COLEC12: variants seen among roughly 807,000 people sequenced by gnomAD.
The protein encoded by COLEC12 is collectin subfamily member 12.
In COLEC12, 33 loss-of-function variants were observed where a neutral mutation model predicts 71.1. That is an observed-to-expected ratio of 0.46 (90% CI 0.35 to 0.62). COLEC12 has a LOEUF of 0.62. Ranked by LOEUF, COLEC12 falls within the 20% of genes least tolerant of loss-of-function variation. COLEC12 has a pLI of 0.00. For synonymous variants in COLEC12, 350 were observed against 353.0 expected (o/e 0.99, Z 0.10); for missense variants, 765 against 916.1 (o/e 0.84, Z 2.13).
At position 354,465 on chromosome 18, in the gene COLEC12, C is replaced by G. The variant is rs532597823; in HGVS notation, c.181+2935G>C. The stretch of plus-strand genomic sequence containing the variant: ...CTCTGATAAATAAAAGTTTTTACTC[C>G]TTTCCTTTCGATTTCTCCTTCAGAG... On this transcript the variant is annotated intron_variant, in intron 3 of 9. Transcript: ENST00000400256. 3.9e-5 allele frequency among the ~76,000 whole-genome samples: 6 copies of G among 152,336 alleles called. No homozygotes were observed. The South Asian group carries it at 1.2e-3, about 32-fold the overall frequency.
At chr18:497,124 C>G (rs533708534) in intron 1 of COLEC12, among the ~76,000 whole-genome samples, 1 of 152,104 alleles carries the variant, frequency 6.6e-6, no homozygotes, top group Non-Finnish European at 1.5e-5. Context: ...TATTTTGGTA[C>G]TTGTGACTCC....
chr18:449,589 C>T (rs1408324878), intron 2 of COLEC12, among the ~76,000 whole-genome samples: 13 of 152,248 alleles, frequency 8.5e-5, no homozygotes, highest in African/African-American at 3.1e-4. Context: ...CACGGAGGTA[C>T]GCCCTCAGTA....
intron 2 of COLEC12, among the ~76,000 whole-genome samples, chr18:442,051 AC>A (rs1013138928): frequency 9.1e-5 from 13 of 142,590 alleles, no homozygotes; most frequent in East Asian, 4.0e-4. Context: ...ACACACACAC[AC>A]AGCTTCTGAT....
chr18:335,351 G>A, intron 5 of COLEC12, 121 bp from the exon 6 acceptor site: 1 of 1,051,968 alleles, frequency 9.5e-7, no homozygotes, highest in Non-Finnish European at 1.3e-6. Context: ...ATATACAGCA[G>A]GGAAAGACCA....
intron 2 of COLEC12, among the ~76,000 whole-genome samples, chr18:406,471 T>G (rs1476515916): frequency 3.2e-5 from 4 of 124,156 alleles, no homozygotes; most frequent in Admixed American, 1.0e-4. Flanking sequence ...ATTGCGCCAC[T>G]GCAGTCCGCA....
At chr18:325,120 G>C (rs1252390264) in intron 8 of COLEC12, among the ~76,000 whole-genome samples, 1 of 152,202 alleles carries the variant, frequency 6.6e-6, no homozygotes, top group Non-Finnish European at 1.5e-5. Flanking sequence ...TTGAGCCTCG[G>C]AGGTTGAGGC....
Position 319,339 on chromosome 18 carries a change from A to ATATAT in COLEC12, c.*705_*706insATATA, listed in dbSNP as rs57135576. 2.5e-3 allele frequency: 101 copies of ATATAT among 40,390 alleles called. 1 individual carries two copies. The highest frequency in any genetic ancestry group is 0.016 in the East Asian group (32 of 1,960). 2.5% of individuals were successfully genotyped at this position (40,390 alleles called of 1,614,324 possible). A position where few individuals can be genotyped will look rare whatever the true frequency, so the allele number is the denominator to read the frequency against. ...GAAACATTAAAAAAAAAAAAAAAAA[A>ATATAT]AAATATATATATATATATATATATA... On this transcript the variant is annotated 3_prime_UTR_variant, in exon 10 of 10. Transcript: ENST00000400256.
At chr18:367,355 C>T (rs979567783) in intron 2 of COLEC12, among the ~76,000 whole-genome samples, 5 of 152,028 alleles carry the variant, frequency 3.3e-5, no homozygotes, top group Non-Finnish European at 7.4e-5. Context: ...CCTCACATAC[C>T]GATTTGATTT....
chr18:424,261 C>G (rs964814610), intron 2 of COLEC12: 1 of 152,238 alleles, frequency 6.6e-6, no homozygotes, highest in Non-Finnish European at 1.5e-5. Flanking sequence ...GAATGAAGAT[C>G]GTAGTGGGAC....
At chr18:463,791 C>T (rs1456006846) in intron 2 of COLEC12, among the ~76,000 whole-genome samples, 1 of 152,178 alleles carries the variant, frequency 6.6e-6, no homozygotes, top group Non-Finnish European at 1.5e-5. Context: ...TTCCCCTAGC[C>T]CCCAATTTCC....
chr18:334,933 C>T lies in COLEC12; in HGVS notation c.1625G>A (p.Gly542Asp). 3 of 1,566,192 alleles carry T rather than the reference C, an allele frequency of 1.9e-6. No individual in the cohort carries two copies. The highest frequency in any genetic ancestry group is 2.6e-6 in the Non-Finnish European group (3 of 1,164,124). The change falls in exon 6 of 10, where the codon GGC becomes GAC. Residue 542 changes from glycine (G) to aspartate (D), a missense_variant. Transcript: ENST00000400256. The part of the protein sequence containing the change: ...PGKEGLPGPQ[G>D]PPGFQGLQGT... Reference sequence around the variant, plus strand: ...CTGAAGTCCCTGGAAGCCAGGAGGGCCCTGAGGGCCGGGGAGTCCCTCTTT... The same window carrying T: ...CTGAAGTCCCTGGAAGCCAGGAGGGTCCTGAGGGCCGGGGAGTCCCTCTTT...
At chr18:473,990 T>C (rs1917255111) in intron 2 of COLEC12, among the ~76,000 whole-genome samples, 1 of 152,188 alleles carries the variant, frequency 6.6e-6, no homozygotes, top group Non-Finnish European at 1.5e-5. Context: ...ATACTTTAAA[T>C]GGTGGAAAAT....
intron 2 of COLEC12, among the ~76,000 whole-genome samples, chr18:467,458 T>A (rs902998712): frequency 6.6e-6 from 1 of 152,232 alleles, no homozygotes; most frequent in Non-Finnish European, 1.5e-5. Flanking sequence ...GCTAAAGTGA[T>A]TTTCCTCTGT....
chr18:463,670 C>T (rs141101208), intron 2 of COLEC12, among the ~76,000 whole-genome samples: 2 of 152,100 alleles, frequency 1.3e-5, no homozygotes, highest in South Asian at 4.2e-4. Context: ...AGCGACATCT[C>T]GGAGTCACAG....
At chr18:450,314 A>G (rs946560661) in intron 2 of COLEC12, among the ~76,000 whole-genome samples, 16 of 151,984 alleles carry the variant, frequency 1.1e-4, no homozygotes, top group Non-Finnish European at 5.9e-5. Context: ...CCCAATGTTG[A>G]GGGGGGGCCT....
At chr18:483,045 C>T (rs1917453568) in intron 1 of COLEC12, among the ~76,000 whole-genome samples, 1 of 152,178 alleles carries the variant, frequency 6.6e-6, no homozygotes, top group African/African-American at 2.4e-5. Flanking sequence ...AAGATGTATG[C>T]TATCTATAAA....
At chr18:373,817 T>G (rs1915054843) in intron 2 of COLEC12, among the ~76,000 whole-genome samples, 1 of 152,236 alleles carries the variant, frequency 6.6e-6, no homozygotes, top group Middle Eastern at 3.4e-3. Context: ...ACACCCTGTG[T>G]CCAGTACCGA....
chr18:462,334 A>T (rs1916999275), intron 2 of COLEC12, among the ~76,000 whole-genome samples: 1 of 152,194 alleles, frequency 6.6e-6, no homozygotes, highest in African/African-American at 2.4e-5. Flanking sequence ...ATGTCACGGA[A>T]TATTATTCCG....
At chr18:423,103 T>C (rs1916129894) in intron 2 of COLEC12, among the ~76,000 whole-genome samples, 1 of 91,080 alleles carries the variant, frequency 1.1e-5, no homozygotes, top group East Asian at 1.0e-3. Context: ...AGACCCCATC[T>C]CTAAAAAAAC....
Sources: allele counts gnomAD v4.1 joint callset (sites outside exome capture counted in the v4.1 genomes callset), GRCh38; gene constraint gnomAD v4.1.1; transcripts MANE v1.5; gene names NCBI Gene and HGNC (gene_info 2026-07-23, HGNC 2026-07-21).